ANKRD27: variants seen among roughly 807,000 people sequenced by gnomAD.
ANKRD27 encodes the protein ankyrin repeat domain 27.
A neutral mutation model predicts 129.7 loss-of-function variants in ANKRD27; 112 were observed. The ratio of observed to expected loss-of-function variants is 0.86; its 90% CI spans 0.74 to 1.01. The LOEUF (loss-of-function observed/expected upper bound fraction) is 1.01. ANKRD27 is among the 50% of genes least tolerant of loss of function. The pLI is 0.00. For missense variants in ANKRD27, 1,258 were observed against 1,300.5 expected (o/e 0.97, Z 0.50); for synonymous variants, 516 against 511.2 (o/e 1.01, Z -0.13).
At chr19:32,649,828 G>T in intron 2 of ANKRD27, 36 bp from the exon 3 acceptor site, 1 of 1,382,752 alleles carries the variant, frequency 7.2e-7, no homozygotes, top group Non-Finnish European at 1.0e-6. Context: ...TTAGACAGAC[G>T]TGCCATTTAC....
Position 32,643,469 on chromosome 19 carries a change from G to A in ANKRD27, c.601C>T (p.Gln201Ter). Residue 201 changes from glutamine to a stop codon, truncating the protein, a stop_gained, in exon 7 of 29, where the codon CAG (glutamine) becomes TAG (stop). Transcript: ENST00000306065. LOFTEE classifies it high-confidence loss of function. Reference protein sequence around the residue: ...RDSHLKMLAKQEAQMNLMKQA... With the variant: ...RDSHLKMLAK Reference sequence around the variant, plus strand: ...TTCATCAGGTTCATCTGGGCCTCCTGCTTGGCGAGCATTTTCTAGAGGGCA... The same window carrying A: ...TTCATCAGGTTCATCTGGGCCTCCTACTTGGCGAGCATTTTCTAGAGGGCA... 6.2e-7 allele frequency: 1 copy of A among 1,613,700 alleles called. No homozygotes were observed.
chr19:32,607,706 C>T lies in ANKRD27; in HGVS notation c.2302G>A (p.Ala768Thr). The T allele has an allele frequency of 6.2e-7, 1 of 1,612,902 alleles. No homozygotes were observed. Residue 768 changes from alanine to threonine, a missense_variant, in exon 23 of 29, where the codon GCC becomes ACC. Ala to Thr is a moderately conservative substitution (Grantham distance 58). Transcript: ENST00000306065. ...TCTGCGTTCCTGGCACCTGCGTTGG[C>T]CCCGTGCTTCAGCAGGAGGGGGATG... Reference protein sequence around the residue: ...DLIPLLLKHGANAGARNADQA... With the variant: ...DLIPLLLKHGTNAGARNADQA...
chr19:32,610,657 C>T (rs1314387486), intron 22 of ANKRD27, among the ~76,000 whole-genome samples: 1 of 151,360 alleles, frequency 6.6e-6, no homozygotes, highest in East Asian at 2.0e-4. Flanking sequence ...CCAGGTGTGG[C>T]GGCATGCACC....
chr19:32,668,571 G>A (rs1967805323), intron 1 of ANKRD27, among the ~76,000 whole-genome samples: 1 of 150,862 alleles, frequency 6.6e-6, no homozygotes, highest in Non-Finnish European at 1.5e-5. Context: ...CTCCTGGGCT[G>A]AGGTGATCCT....
At chr19:32,607,864 T>C in intron 22 of ANKRD27, 32 bp from the exon 23 acceptor site, 3 of 1,571,494 alleles carry the variant, frequency 1.9e-6, no homozygotes, top group Non-Finnish European at 2.6e-6. Context: ...AACACAAACG[T>C]CATCAGTATT....
chr19:32,640,147 T>C (rs975500111), intron 11 of ANKRD27, among the ~76,000 whole-genome samples, 160 bp downstream of exon 11: 1 of 152,188 alleles, frequency 6.6e-6, no homozygotes, highest in Non-Finnish European at 1.5e-5. Flanking sequence ...TATTTTTTAG[T>C]AGAGACGGGG....
chr19:32,626,809 T>C lies in ANKRD27; in HGVS notation c.1439A>G (p.Asp480Gly), dbSNP rs776140531. ...CATGGCGCCCTTGGAAACCAGGAGG[T>C]CGATGAGGGATGCCTGCCCTGCAGA... Reference protein sequence around the residue: ...AAVCGQASLIDLLVSKGAMVN... With the variant: ...AAVCGQASLIGLLVSKGAMVN... Residue 480 changes from aspartate (D) to glycine (G), a missense_variant, in exon 16 of 29, where the codon GAC becomes GGC. Transcript: ENST00000306065. The C allele has an allele frequency of 6.2e-7, 1 of 1,610,222 alleles. No individual in the cohort carries two copies. The highest frequency in any genetic ancestry group is 8.5e-7 in the Non-Finnish European group (1 of 1,178,366).
intron 1 of ANKRD27, 92 bp downstream of exon 1, chr19:32,674,979 A>G (rs1012095937): frequency 6.7e-6 from 1 of 149,694 alleles, no homozygotes; most frequent in Non-Finnish European, 1.5e-5. Context: ...CTCCCCCCTC[A>G]CTCTCCGGGC....
chr19:32,619,285 T>C lies in ANKRD27; in HGVS notation c.1982A>G (p.Glu661Gly). 1.2e-6 allele frequency: 2 copies of C among 1,613,574 alleles called. No individual in the cohort carries two copies. Among genetic ancestry groups the C allele is most frequent in the Non-Finnish European group, 1.7e-6 (2 of 1,179,826 alleles). Residue 661 changes from glutamate (E) to glycine (G), a missense_variant, in exon 20 of 29, where the codon GAG (glutamate) becomes GGG (glycine). By Grantham distance (98) the Glu-to-Gly change is moderately conservative (BLOSUM62 -2). Coordinates refer to ENST00000306065, the MANE Select transcript of ANKRD27 (RefSeq NM_032139.3). ...FSSMSASSRQ[E>G]ETKKDYREVE... ...CTCTCTGTAGTCCTTCTTGGTCTCC[T>C]CCTGCCTTGAGCTGGCTGACATGGA...
chr19:32,636,178 G>T (rs1035748575), intron 12 of ANKRD27: 12 of 158,150 alleles, frequency 7.6e-5, no homozygotes, highest in African/African-American at 2.9e-4. Flanking sequence ...CTAGCACATG[G>T]AATTCGCCAA....
chr19:32,646,957 G>C (rs194588), intron 3 of ANKRD27, among the ~76,000 whole-genome samples: 117,691 of 151,998 alleles, frequency 0.77, 46,158 homozygotes, highest in African/African-American at 0.9. Context: ...TCCTGAGTAC[G>C]TGGCACTACA....
At chr19:32,615,548 C>T (rs933218206) in intron 22 of ANKRD27, 110 bp downstream of exon 22, 11 of 1,570,412 alleles carry the variant, frequency 7.0e-6, no homozygotes, top group African/African-American at 2.7e-5. Context: ...TGTACCACTG[C>T]ACTCCGGCCT....
At chr19:32,629,250 T>C (rs1966947443) in intron 13 of ANKRD27, among the ~76,000 whole-genome samples, 1 of 152,196 alleles carries the variant, frequency 6.6e-6, no homozygotes, top group African/African-American at 2.4e-5. Flanking sequence ...CTCATCTATG[T>C]GTTTATGGAT....
rs1971764020 is a variant in ANKRD27 at position 32,607,635 on chromosome 19, C to T, written c.2373G>A (p.Gln791=). The change falls in exon 23 of 29, where the codon CAG becomes CAA. Residue 791 remains glutamine, a splice_region_variant and synonymous_variant. Transcript: ENST00000306065. ...LHLACQQGHF[Q]VVKCLLDSNA... is the part of the protein sequence containing the mutation. Reference sequence around the variant, plus strand: ...ACCACCCCCAACACACAGCCCGAACCTGAAAGTGGCCCTGCTGGCAGGCCA... The same window carrying T: ...ACCACCCCCAACACACAGCCCGAACTTGAAAGTGGCCCTGCTGGCAGGCCA... 6.2e-7 allele frequency: 1 copy of T among 1,610,984 alleles called. No homozygotes were observed. Among genetic ancestry groups the T allele is most frequent in the Admixed American group, 1.7e-5 (1 of 59,878 alleles).
At chr19:32,609,712 T>G in intron 22 of ANKRD27, among the ~76,000 whole-genome samples, 1 of 151,726 alleles carries the variant, frequency 6.6e-6, no homozygotes, top group East Asian at 1.9e-4. Flanking sequence ...CTCTTGCAAG[T>G]GAGGGAAACG....
chr19:32,606,310 G>A (rs10405377), intron 23 of ANKRD27, among the ~76,000 whole-genome samples: 28,602 of 151,758 alleles, frequency 0.19, 3,358 homozygotes, highest in African/African-American at 0.32. Flanking sequence ...CTGCCACCAC[G>A]CTTGGCTAAT....
At position 32,651,834 on chromosome 19, in the gene ANKRD27, G is replaced by A. The variant is rs77618482; in HGVS notation, c.103-2042C>T. On this transcript the variant is annotated intron_variant, in intron 2 of 28. Coordinates refer to ENST00000306065, the MANE Select transcript of ANKRD27 (RefSeq NM_032139.3). ...AAGCACACTGCTGGACACGAGGCAGGTGCCCAGTGCATGTTTACTGGGTAA... is the reference window on the plus strand; with the variant it reads ...AAGCACACTGCTGGACACGAGGCAGATGCCCAGTGCATGTTTACTGGGTAA... Among the ~76,000 whole-genome samples, 2,245 of 152,260 alleles carry A rather than the reference G, an allele frequency of 0.015. 141 individuals carry two copies. In the East Asian group the frequency reaches 0.22, roughly 15 times the overall value.
rs529952947 is a variant in ANKRD27 at position 32,641,903 on chromosome 19, G to C, written c.904+121C>G. Reference sequence around the variant, plus strand: ...CCACCTTGGCCTCCCAAAGCACTGGGGTTACAGAGGTGAGCCACTGCACCC... The same window carrying C: ...CCACCTTGGCCTCCCAAAGCACTGGCGTTACAGAGGTGAGCCACTGCACCC... On this transcript the variant is annotated intron_variant, in intron 10 of 28. Coordinates refer to ENST00000306065, the MANE Select transcript of ANKRD27 (RefSeq NM_032139.3). 3.2e-6 allele frequency: 4 copies of C among 1,240,394 alleles called. No homozygotes were observed. In the African/African-American group the frequency reaches 6.1e-5, roughly 19 times the overall value. The allele number at this position is 1,240,394 out of a possible 1,614,324, so 76.8% of individuals were successfully genotyped here.
chr19:32,604,176 T>C (rs1342130690), intron 25 of ANKRD27, 87 bp downstream of exon 25: 2 of 1,441,082 alleles, frequency 1.4e-6, no homozygotes, highest in Admixed American at 2.1e-5. Flanking sequence ...CAGGTGTTGC[T>C]ATTTTAGATC....
Sources: allele counts gnomAD v4.1 joint callset (sites outside exome capture counted in the v4.1 genomes callset), GRCh38; gene constraint gnomAD v4.1.1; transcripts MANE v1.5; gene names NCBI Gene and HGNC (gene_info 2026-07-23, HGNC 2026-07-21).